GALNT18: variants seen among roughly 807,000 people sequenced by gnomAD.
The protein encoded by GALNT18 is polypeptide N-acetylgalactosaminyltransferase 18, also known as GalNAc-transferase 18.
Under a neutral mutation model 69.5 loss-of-function variants are expected in GALNT18, and 44 were observed. The ratio of observed to expected loss-of-function variants is 0.63; its 90% confidence interval spans 0.50 to 0.81. The LOEUF is 0.81. GALNT18 is among the 40% of genes least tolerant of loss of function. The pLI, the probability that GALNT18 is intolerant of heterozygous loss-of-function variation, is 0.00. For synonymous variants in GALNT18, 364 were observed against 318.2 expected (o/e 1.14, Z -1.53); for missense variants, 715 against 810.0 (o/e 0.88, Z 1.42).
At chr11:11,507,568 G>A (rs1312942539) in intron 1 of GALNT18, among the ~76,000 whole-genome samples, 1 of 151,706 alleles carries the variant, frequency 6.6e-6, no homozygotes, top group East Asian at 1.9e-4. Context: ...ATAGATCCAA[G>A]CTTTATATGC....
Position 11,332,428 on chromosome 11 carries a change from T to C in GALNT18, c.1416+266A>G, listed in dbSNP as rs756912159. On this transcript the variant is annotated intron_variant, in intron 8 of 10. Coordinates refer to ENST00000227756, the MANE Select transcript of GALNT18 (RefSeq NM_198516.3). The surrounding 1 kb of genome is among the most constrained non-coding windows in gnomAD (Gnocchi z 4.3). ...AAGCTAACTGCTTTATTATGTGTTTTATTAAGCGGAATATGCAGGTGTGGG... is the reference window on the plus strand; with the variant it reads ...AAGCTAACTGCTTTATTATGTGTTTCATTAAGCGGAATATGCAGGTGTGGG... 1.1e-4 allele frequency among the ~76,000 whole-genome samples: 16 copies of C among 152,162 alleles called. No homozygotes were observed. Among genetic ancestry groups the C allele is most frequent in the Non-Finnish European group, 2.1e-4 (14 of 68,030 alleles).
rs1199681039 is a variant in GALNT18, at chr11:11,404,051, G to A, written c.596-24787C>T. Among the ~76,000 whole-genome samples, 2 of 152,230 alleles carry A rather than the reference G, an allele frequency of 1.3e-5. No homozygotes were observed. Among genetic ancestry groups the A allele is most frequent in the Non-Finnish European group, 2.9e-5 (2 of 68,030 alleles). On this transcript the variant is annotated intron_variant, in intron 3 of 10. Transcript: ENST00000227756. The surrounding 1 kb of genome is among the most constrained non-coding windows in gnomAD (Gnocchi z 4.5). ...GCAGCCTGGCTCTTCTGAGGGAGCT[G>A]TGCCCAGAGATACCAGGCAAATGAT...
intron 1 of GALNT18, among the ~76,000 whole-genome samples, chr11:11,572,026 C>T (rs77302254): frequency 0.039 from 5,985 of 152,302 alleles, 158 homozygotes; most frequent in African/African-American, 0.058. Context: ...TTTCCAGGCT[C>T]CCCCACTGAA....
chr11:11,436,178 A>C lies in GALNT18; in HGVS notation c.429-3391T>G, dbSNP rs1008104450. The stretch of plus-strand genomic sequence containing the variant: ...ATGAAGTCACCCAGGTGCTGTTCCC[A>C]GTTCTGCCCCACCTTGCTGTGTGAC... On this transcript the variant is annotated intron_variant, in intron 2 of 10. Coordinates refer to ENST00000227756, the MANE Select transcript of GALNT18 (RefSeq NM_198516.3). This position sits in a 1 kb window ranked among gnomAD's most constrained non-coding sequence, Gnocchi z 4.5. 2.0e-5 allele frequency among the ~76,000 whole-genome samples: 3 copies of C among 152,214 alleles called. No homozygotes were observed. The highest frequency in any genetic ancestry group is 7.2e-5 in the African/African-American group (3 of 41,454).
At chr11:11,364,593 T>C (rs1210192131) in intron 6 of GALNT18, among the ~76,000 whole-genome samples, 5 of 150,834 alleles carry the variant, frequency 3.3e-5, no homozygotes, top group Non-Finnish European at 7.4e-5. Context: ...CAGTAGATTA[T>C]GGAGACTGGA....
At chr11:11,553,944 G>A (rs1858264357) in intron 1 of GALNT18, among the ~76,000 whole-genome samples, 1 of 152,188 alleles carries the variant, frequency 6.6e-6, no homozygotes, top group Non-Finnish European at 1.5e-5. Context: ...AGCGGCTCGG[G>A]CTCTGCCTGC....
At position 11,320,608 on chromosome 11, in the gene GALNT18, C is replaced by T. The variant is rs1470799299; in HGVS notation, c.1512+6478G>A. ...TCAGGTAACACGTCCTAGAGTACCC[C>T]TTTTCTTACTCTTCCATGAGCAGTG... is the stretch of plus-strand genomic sequence containing the variant. On this transcript the variant is annotated intron_variant, in intron 9 of 10. Coordinates refer to ENST00000227756, the MANE Select transcript of GALNT18 (RefSeq NM_198516.3). The surrounding 1 kb of genome is among the most constrained non-coding windows in gnomAD (Gnocchi z 4.9). Among the ~76,000 whole-genome samples the T allele has an allele frequency of 6.6e-6, 1 of 152,178 alleles. No individual in the cohort carries two copies. Among genetic ancestry groups the T allele is most frequent in the African/African-American group, 2.4e-5 (1 of 41,442 alleles).
rs1291241980 is a variant in GALNT18 at position 11,439,175 on chromosome 11, G to C, written c.429-6388C>G. Among the ~76,000 whole-genome samples, 4 of 152,220 alleles carry C rather than the reference G, an allele frequency of 2.6e-5. No individual in the cohort carries two copies. Among genetic ancestry groups the C allele is most frequent in the Non-Finnish European group, 5.9e-5 (4 of 68,042 alleles). ...AAGATGATAAGTGAGGCGCAGGGGAGCAGAAATGATGAATAGGAAGAAGGG... is the reference window on the plus strand; with the variant it reads ...AAGATGATAAGTGAGGCGCAGGGGACCAGAAATGATGAATAGGAAGAAGGG... On this transcript the variant is annotated intron_variant, in intron 2 of 10. Coordinates refer to ENST00000227756, the MANE Select transcript of GALNT18 (RefSeq NM_198516.3). This position sits in a 1 kb window ranked among gnomAD's most constrained non-coding sequence, Gnocchi z 4.4.
chr11:11,475,855 C>A (rs1856382762), intron 1 of GALNT18: 1 of 152,214 alleles, frequency 6.6e-6, no homozygotes, highest in African/African-American at 2.4e-5. Context: ...TGCCACACAG[C>A]ATCTTGGTTC....
chr11:11,382,915 T>G lies in GALNT18; in HGVS notation c.596-3651A>C, dbSNP rs1853955902. ...AGGCAGGGAGTCTGCTTGCTGTGAC[T>G]CTGCCAGATCTAGAGTCAATGTGCA... On this transcript the variant is annotated intron_variant, in intron 3 of 10. Transcript: ENST00000227756. This position sits in a 1 kb window ranked among gnomAD's most constrained non-coding sequence, Gnocchi z 4.3. Among the ~76,000 whole-genome samples the G allele has an allele frequency of 6.6e-6, 1 of 152,190 alleles. No homozygotes were observed. The highest frequency in any genetic ancestry group is 1.5e-5 in the Non-Finnish European group (1 of 68,030).
chr11:11,272,890 C>T (rs1356968526), intron 10 of GALNT18, among the ~76,000 whole-genome samples: 1 of 152,200 alleles, frequency 6.6e-6, no homozygotes, highest in Non-Finnish European at 1.5e-5. Context: ...TGACCATTCC[C>T]ATAGCAACAA....
intron 10 of GALNT18, among the ~76,000 whole-genome samples, chr11:11,284,567 T>C (rs529101674): frequency 6.6e-6 from 1 of 152,352 alleles, no homozygotes; most frequent in South Asian, 2.1e-4. Flanking sequence ...AAGCTCAGGC[T>C]GGTCTTACTT....
chr11:11,553,481 C>A (rs1046243951), intron 1 of GALNT18, among the ~76,000 whole-genome samples: 1 of 152,208 alleles, frequency 6.6e-6, no homozygotes, highest in Non-Finnish European at 1.5e-5. Flanking sequence ...CCTCTGTCAC[C>A]CCCTCCCTGC....
In GALNT18 at chr11:11,591,107, GGA is replaced by G. The variant is rs2133927781; in HGVS notation, c.235+30250_235+30251del. 6.6e-6 allele frequency among the ~76,000 whole-genome samples: 1 copy of G among 151,960 alleles called. No homozygotes were observed. Among genetic ancestry groups the G allele is most frequent in the East Asian group, 1.9e-4 (1 of 5,180 alleles). On this transcript the variant is annotated intron_variant, in intron 1 of 10. Coordinates refer to ENST00000227756, the MANE Select transcript of GALNT18 (RefSeq NM_198516.3). The surrounding 1 kb of genome is among the most constrained non-coding windows in gnomAD (Gnocchi z 4.8). ...GTTATTGCCCAATGGGACAAGATGTGGAGGTGGAAGACAGTGACATTGATGAT... is the reference window on the plus strand; with the variant it reads ...GTTATTGCCCAATGGGACAAGATGTGGGTGGAAGACAGTGACATTGATGAT...
chr11:11,468,385 C>A (rs368569207), intron 1 of GALNT18, among the ~76,000 whole-genome samples: 2 of 152,192 alleles, frequency 1.3e-5, no homozygotes, highest in East Asian at 1.9e-4. Flanking sequence ...GGTCCCCAGG[C>A]CCCCACTGGT....
rs1858609279 is a variant in GALNT18 at position 11,565,037 on chromosome 11, C to T, written c.235+56322G>A. Among the ~76,000 whole-genome samples the T allele has an allele frequency of 2.0e-5, 3 of 152,186 alleles. 1 individual carries two copies. In the South Asian group the frequency reaches 6.2e-4, roughly 31 times the overall value. ...GGGGTGCCAGGGATACACCACTGCT[C>T]CCAAGGGAAATTAGTGAACACTGCA... On this transcript the variant is annotated intron_variant, in intron 1 of 10. Coordinates refer to ENST00000227756, the MANE Select transcript of GALNT18 (RefSeq NM_198516.3).
intron 10 of GALNT18, among the ~76,000 whole-genome samples, chr11:11,281,701 T>TCCCAAG (rs1403222586): frequency 6.6e-6 from 1 of 151,754 alleles, no homozygotes; most frequent in East Asian, 1.9e-4. Flanking sequence ...ATCTGATGTT[T>TCCCAAG]CCCAAGCCCA....
intron 6 of GALNT18, among the ~76,000 whole-genome samples, chr11:11,364,247 T>G (rs1216945831): frequency 2.0e-5 from 3 of 152,220 alleles, no homozygotes. Flanking sequence ...ATTAAAATAT[T>G]ACTATTTGGT....
chr11:11,596,798 T>G lies in GALNT18; in HGVS notation c.235+24561A>C, dbSNP rs1859510484. Among the ~76,000 whole-genome samples, 1 of 152,174 alleles carries G rather than the reference T, an allele frequency of 6.6e-6. No individual in the cohort carries two copies. Among genetic ancestry groups the G allele is most frequent in the Admixed American group, 6.5e-5 (1 of 15,276 alleles). ...TGATTATGTCATCTGCAAACAGAGATAGTTTTACTTTCTTTAAAACATCTG... is the reference window on the plus strand; with the variant it reads ...TGATTATGTCATCTGCAAACAGAGAGAGTTTTACTTTCTTTAAAACATCTG... On this transcript the variant is annotated intron_variant, in intron 1 of 10. Coordinates refer to ENST00000227756, the MANE Select transcript of GALNT18 (RefSeq NM_198516.3). This position sits in a 1 kb window ranked among gnomAD's most constrained non-coding sequence, Gnocchi z 4.2.
Sources: gnomAD v4.1 joint callset for allele counts (sites outside exome capture counted in the v4.1 genomes callset) on GRCh38, gnomAD v4.1.1 for gene constraint, Gnocchi (gnomAD v3.1) non-coding constraint, MANE v1.5 for transcripts, NCBI Gene and HGNC (gene_info 2026-07-23, HGNC 2026-07-21) for gene names.